ZNF385B: variants seen among roughly 807,000 people sequenced by gnomAD.
ZNF385B encodes zinc finger protein 385B, also known as zinc finger protein 533.
A neutral mutation model predicts 39.2 loss-of-function variants in ZNF385B; 23 were observed. The observed-to-expected ratio is 0.59, with a 90% confidence interval of 0.42 to 0.83. The LOEUF (loss-of-function observed/expected upper bound fraction) is 0.83. ZNF385B is among the 40% of genes least tolerant of loss of function. The pLI, the probability that ZNF385B is intolerant of heterozygous loss-of-function variation, is 0.00. For missense variants in ZNF385B, 552 were observed against 598.9 expected, an observed-to-expected ratio of 0.92 and a Z score of 0.82; for synonymous variants, 205 against 222.6, an observed-to-expected ratio of 0.92 and a Z score of 0.70.
At chr2:179,807,426 C>G (rs1706423261) in intron 1 of ZNF385B, among the ~76,000 whole-genome samples, 1 of 151,368 alleles carries the variant, frequency 6.6e-6, no homozygotes, top group African/African-American at 2.4e-5. Context: ...GGTGAAACAC[C>G]ATCTCTACTA....
chr2:179,556,702 A>G (rs2060928283), intron 3 of ZNF385B, among the ~76,000 whole-genome samples: 1 of 149,356 alleles, frequency 6.7e-6, no homozygotes, highest in Admixed American at 6.7e-5. Flanking sequence ...GACTCTCCTC[A>G]ATGGCATTAA....
intron 3 of ZNF385B, among the ~76,000 whole-genome samples, chr2:179,697,289 G>A (rs1698840441): frequency 6.6e-6 from 1 of 152,178 alleles, no homozygotes; most frequent in South Asian, 2.1e-4. Context: ...GGAGGAACCT[G>A]ATGGAAAGTG....
intron 3 of ZNF385B, among the ~76,000 whole-genome samples, chr2:179,735,925 T>C (rs1026789170): frequency 6.7e-6 from 1 of 150,024 alleles, no homozygotes; most frequent in Non-Finnish European, 1.5e-5. Context: ...GAGATATACC[T>C]AATGCTAGAT....
chr2:179,788,875 T>C (rs1177857859), intron 1 of ZNF385B, among the ~76,000 whole-genome samples: 1 of 152,096 alleles, frequency 6.6e-6, no homozygotes, highest in Non-Finnish European at 1.5e-5. Flanking sequence ...GGAGTTGATG[T>C]GAAATAGAGA....
chr2:179,769,375 G>T, intron 3 of ZNF385B, 128 bp downstream of exon 3: 1 of 1,395,498 alleles, frequency 7.2e-7, no homozygotes, highest in Non-Finnish European at 9.5e-7. Context: ...ACCTGTAGGA[G>T]AAAGAGTACA....
intron 6 of ZNF385B, among the ~76,000 whole-genome samples, chr2:179,459,550 C>G (rs537869903): frequency 6.1e-4 from 93 of 151,554 alleles, no homozygotes; most frequent in African/African-American, 1.8e-3. Flanking sequence ...GTCTCTGACT[C>G]AGTGGAATTA....
intron 6 of ZNF385B, among the ~76,000 whole-genome samples, chr2:179,468,215 G>C (rs2052314262): frequency 6.6e-6 from 1 of 152,202 alleles, no homozygotes; most frequent in African/African-American, 2.4e-5. Context: ...CAGTGAACTG[G>C]CACCGATGTT....
chr2:179,564,263 G>A lies in ZNF385B; in HGVS notation c.299-19294C>T, dbSNP rs113043486. Among the ~76,000 whole-genome samples the A allele has an allele frequency of 2.5e-3, 375 of 152,244 alleles. 3 individuals are homozygous for A. The highest frequency in any genetic ancestry group is 8.7e-3 in the African/African-American group (361 of 41,540). ...GTGCAGGTATGTACCAAGACCAGTG[G>A]GAGAATGGGATAAGGAACACTTAAG... On this transcript the variant is annotated intron_variant, in intron 3 of 9. Coordinates refer to ENST00000410066, the MANE Select transcript of ZNF385B (RefSeq NM_152520.6).
intron 3 of ZNF385B, among the ~76,000 whole-genome samples, chr2:179,752,255 G>C (rs1398168722): frequency 6.6e-6 from 1 of 152,176 alleles, no homozygotes; most frequent in African/African-American, 2.4e-5. Flanking sequence ...CCCTTCAAAG[G>C]ACGTGAACTC....
At chr2:179,509,061 C>T (rs2057464233) in intron 5 of ZNF385B, among the ~76,000 whole-genome samples, 1 of 151,918 alleles carries the variant, frequency 6.6e-6, no homozygotes, top group African/African-American at 2.4e-5. Flanking sequence ...ATTCTCCTGC[C>T]TCAGCCTCCC....
intron 6 of ZNF385B, among the ~76,000 whole-genome samples, chr2:179,481,746 A>G (rs536525839): frequency 4.6e-5 from 7 of 152,204 alleles, no homozygotes; most frequent in African/African-American, 1.7e-4. Context: ...TTTGCAGAGT[A>G]TTATTCCATA....
At chr2:179,678,145 A>G (rs952504060) in intron 3 of ZNF385B, among the ~76,000 whole-genome samples, 3 of 152,138 alleles carry the variant, frequency 2.0e-5, no homozygotes, top group African/African-American at 7.2e-5. Flanking sequence ...CTCATGACCA[A>G]GTTATTTTCT....
chr2:179,448,205 T>C (rs541272304), intron 6 of ZNF385B, among the ~76,000 whole-genome samples: 6 of 152,228 alleles, frequency 3.9e-5, no homozygotes, highest in Non-Finnish European at 8.8e-5. Context: ...CTGACCTGTA[T>C]AGTGTGAGAG....
intron 5 of ZNF385B, among the ~76,000 whole-genome samples, chr2:179,506,466 C>G (rs187390114): frequency 6.6e-6 from 1 of 151,796 alleles, no homozygotes; most frequent in Admixed American, 6.6e-5. Flanking sequence ...AAGAAATAAA[C>G]GAAAATAAAA....
chr2:179,749,872 AT>A (rs1335219553), intron 3 of ZNF385B, among the ~76,000 whole-genome samples: 1 of 152,164 alleles, frequency 6.6e-6, no homozygotes, highest in East Asian at 1.9e-4. Flanking sequence ...AGCAACTCTT[AT>A]CTTTTAATAC....
At chr2:179,594,789 G>C (rs1285280584) in intron 3 of ZNF385B, among the ~76,000 whole-genome samples, 1 of 128,316 alleles carries the variant, frequency 7.8e-6, no homozygotes. Flanking sequence ...AGTTGATATA[G>C]GTAAACTCTT....
chr2:179,493,297 A>G (rs2055440910), intron 5 of ZNF385B, among the ~76,000 whole-genome samples: 1 of 152,012 alleles, frequency 6.6e-6, no homozygotes, highest in Non-Finnish European at 1.5e-5. Flanking sequence ...AAAAGTGAAT[A>G]CCATATATAG....
chr2:179,795,965 T>C (rs1409415101), intron 1 of ZNF385B, among the ~76,000 whole-genome samples: 1 of 152,214 alleles, frequency 6.6e-6, no homozygotes, highest in Non-Finnish European at 1.5e-5. Context: ...CTATAGACTA[T>C]GCCAATTTAT....
chr2:179,641,709 C>T (rs1412548956), intron 3 of ZNF385B, among the ~76,000 whole-genome samples: 6 of 136,338 alleles, frequency 4.4e-5, no homozygotes, highest in Non-Finnish European at 3.2e-5. Context: ...AAAAAAAAAT[C>T]AATTTACAGC....
Sources: allele counts gnomAD v4.1 joint callset (sites outside exome capture counted in the v4.1 genomes callset), GRCh38; gene constraint gnomAD v4.1.1; transcripts MANE v1.5; gene names NCBI Gene and HGNC (gene_info 2026-07-23, HGNC 2026-07-21).